Variants in LRRFIP1 observed in about 807,000 individuals in gnomAD.
LRRFIP1 encodes leucine-rich repeat flightless-interacting protein 1.
In LRRFIP1, 62 loss-of-function variants were observed where a neutral mutation model predicts 104.4. The ratio of observed to expected loss-of-function variants is 0.59; its 90% CI spans 0.48 to 0.73. The LOEUF (loss-of-function observed/expected upper bound fraction) is 0.73. LRRFIP1 is among the 30% of genes least tolerant of loss of function. The probability of loss-of-function intolerance (pLI) is 0.00; values close to 1 mark genes in which losing one functional copy is unlikely to be tolerated. For missense variants in LRRFIP1, 796 were observed against 824.5 expected (o/e 0.97, Z 0.42); for synonymous variants, 300 against 299.0 (o/e 1.00, Z -0.03).
At chr2:237,771,414 C>G (rs1336552258) in intron 20 of LRRFIP1, among the ~76,000 whole-genome samples, 1 of 151,642 alleles carries the variant, frequency 6.6e-6, no homozygotes, top group Admixed American at 6.6e-5. Context: ...GAGTTGTAGG[C>G]GTTGGGTATT....
At position 237,711,501 on chromosome 2, in the gene LRRFIP1, C is replaced by T. The variant is rs2094086008; in HGVS notation, c.184-2758C>T. ...CCTTGCAGGCAGCACCTTTGGCCAA[C>T]GTCACCTTTTGCACGGTCCTCTGTG... is the stretch of plus-strand genomic sequence containing the variant. On this transcript the variant is annotated intron_variant, in intron 2 of 23. Transcript: ENST00000308482. The surrounding 1 kb of genome is among the most constrained non-coding windows in gnomAD (Gnocchi z 4.4). Among the ~76,000 whole-genome samples, 1 of 152,202 alleles carries T rather than the reference C, an allele frequency of 6.6e-6. No individual in the cohort carries two copies. The highest frequency in any genetic ancestry group is 2.4e-5 in the African/African-American group (1 of 41,452).
intron 1 of LRRFIP1, among the ~76,000 whole-genome samples, chr2:237,657,342 T>C (rs2086983444): frequency 6.6e-6 from 1 of 152,214 alleles, no homozygotes; most frequent in Admixed American, 6.5e-5. Flanking sequence ...ATGAATATTT[T>C]CACATATGAA....
chr2:237,737,456 G>A (rs1258217411), intron 10 of LRRFIP1, among the ~76,000 whole-genome samples: 1 of 152,200 alleles, frequency 6.6e-6, no homozygotes, highest in African/African-American at 2.4e-5. Context: ...CGTGGACCGT[G>A]GCGATATAGA....
intron 20 of LRRFIP1, among the ~76,000 whole-genome samples, chr2:237,771,302 C>CAAAAAAAAAAAAAAAAAAAAAA (rs61685773): frequency 9.1e-6 from 1 of 109,804 alleles, no homozygotes. Context: ...TGAAATATTC[C>CAAAAAAAAAAAAAAAAAAAAAA]AAAAAAAAAA....
At position 237,691,082 on chromosome 2, in the gene LRRFIP1, T is replaced by C. The variant is rs1307448361; in HGVS notation, c.97-17462T>C. 6.6e-6 allele frequency among the ~76,000 whole-genome samples: 1 copy of C among 151,368 alleles called. No individual in the cohort carries two copies. The highest frequency in any genetic ancestry group is 1.5e-5 in the Non-Finnish European group (1 of 68,010). ...CGGGTCACGGCGGGAAGGTGAGTGC[T>C]CACAGGCGCGAGCTCACGTTACCAA... is the stretch of plus-strand genomic sequence containing the variant. On this transcript the variant is annotated intron_variant, in intron 1 of 23. Transcript: ENST00000308482. The surrounding 1 kb of genome is among the most constrained non-coding windows in gnomAD (Gnocchi z 5.4).
At chr2:237,705,059 G>C (rs2093736212) in intron 1 of LRRFIP1, among the ~76,000 whole-genome samples, 1 of 152,164 alleles carries the variant, frequency 6.6e-6, no homozygotes, top group African/African-American at 2.4e-5. Context: ...GCATTGTTTT[G>C]GAGGCCTGCA....
intron 7 of LRRFIP1, 49 bp from the exon 8 acceptor site, chr2:237,727,827 A>T: frequency 7.1e-7 from 1 of 1,404,594 alleles, no homozygotes; most frequent in East Asian, 2.3e-5. Context: ...GTACCTGTGA[A>T]TTCATTTGTG....
intron 1 of LRRFIP1, among the ~76,000 whole-genome samples, chr2:237,695,423 A>G (rs1430193673): frequency 1.3e-5 from 2 of 152,188 alleles, no homozygotes; most frequent in African/African-American, 4.8e-5. Context: ...TTCTTATCCA[A>G]TCCCTACAGA....
rs376686902 is a variant in LRRFIP1 at position 237,668,662 on chromosome 2, C to T, written c.97-39882C>T. Among the ~76,000 whole-genome samples the T allele has an allele frequency of 5.5e-4, 84 of 152,154 alleles. 1 individual carries two copies. Among genetic ancestry groups the T allele is most frequent in the Admixed American group, 2.8e-3 (43 of 15,284 alleles). ...TCCAGGAAGCCCTCCCTGACTTCCT[C>T]GGCTGGGGTAGGAACATTCACACTA... is the stretch of plus-strand genomic sequence containing the variant. On this transcript the variant is annotated intron_variant, in intron 1 of 23. Coordinates refer to ENST00000308482, the MANE Select transcript of LRRFIP1 (RefSeq NM_001137550.2).
At chr2:237,672,890 C>A (rs1390231217) in intron 1 of LRRFIP1, among the ~76,000 whole-genome samples, 1 of 152,208 alleles carries the variant, frequency 6.6e-6, no homozygotes, top group African/African-American at 2.4e-5. Flanking sequence ...ATTGCTATAG[C>A]TAAGCCACAA....
rs1204731374 is a variant in LRRFIP1, at chr2:237,768,300, T to C, written c.1460-1643T>C. 5.3e-5 allele frequency: 8 copies of C among 152,372 alleles called. No homozygotes were observed. The South Asian group carries it at 1.0e-3, about 20-fold the overall frequency. 9.4% of individuals were successfully genotyped at this position (152,372 alleles called of 1,614,324 possible). On this transcript the variant is annotated intron_variant, in intron 19 of 23. Coordinates refer to ENST00000308482, the MANE Select transcript of LRRFIP1 (RefSeq NM_001137550.2). ...ATAATGTTCTCACTATACAACTAAA[T>C]GTCAGATTACCTATATCAATTTTGC...
chr2:237,754,150 A>G (rs564059259), intron 15 of LRRFIP1, among the ~76,000 whole-genome samples: 1 of 152,336 alleles, frequency 6.6e-6, no homozygotes, highest in Admixed American at 6.5e-5. Flanking sequence ...AGATTTTCCT[A>G]TTCATATGTA....
At chr2:237,708,692 CA>C in intron 2 of LRRFIP1, 62 bp downstream of exon 2, 1 of 1,510,934 alleles carries the variant, frequency 6.6e-7, no homozygotes, top group Non-Finnish European at 9.0e-7. Flanking sequence ...GCCCAGGGTG[CA>C]AGTGCAGGCA....
chr2:237,659,042 A>T (rs537243905), intron 1 of LRRFIP1, among the ~76,000 whole-genome samples: 1 of 152,292 alleles, frequency 6.6e-6, no homozygotes, highest in African/African-American at 2.4e-5. Context: ...TTTTCTATAC[A>T]GTAAAAGGGG....
chr2:237,691,831 G>C lies in LRRFIP1; in HGVS notation c.97-16713G>C, dbSNP rs984122298. Among the ~76,000 whole-genome samples, 3 of 152,180 alleles carry C rather than the reference G, an allele frequency of 2.0e-5. No homozygotes were observed. Among genetic ancestry groups the C allele is most frequent in the African/African-American group, 7.2e-5 (3 of 41,448 alleles). Reference sequence around the variant, plus strand: ...TTTCCTCCAGGTCCTCTTTCCGGCGGGGGCCGGAGGGGTGGTGATGGACAG... The same window carrying C: ...TTTCCTCCAGGTCCTCTTTCCGGCGCGGGCCGGAGGGGTGGTGATGGACAG... On this transcript the variant is annotated intron_variant, in intron 1 of 23. Coordinates refer to ENST00000308482, the MANE Select transcript of LRRFIP1 (RefSeq NM_001137550.2). This position sits in a 1 kb window ranked among gnomAD's most constrained non-coding sequence, Gnocchi z 5.4.
At chr2:237,749,117 A>T in intron 12 of LRRFIP1, 82 bp from the exon 13 acceptor site, 1 of 1,449,142 alleles carries the variant, frequency 6.9e-7, no homozygotes, top group South Asian at 1.2e-5. Flanking sequence ...TGTGGGGATT[A>T]TGGGGATTAC....
chr2:237,775,660 T>C (rs1319551096), intron 23 of LRRFIP1, among the ~76,000 whole-genome samples: 3 of 152,134 alleles, frequency 2.0e-5, no homozygotes, highest in Non-Finnish European at 4.4e-5. Flanking sequence ...AGTGAAAACC[T>C]GTCTTTACAT....
chr2:237,761,278 C>T (rs753456570), intron 19 of LRRFIP1, among the ~76,000 whole-genome samples: 21 of 152,300 alleles, frequency 1.4e-4, no homozygotes, highest in Admixed American at 2.6e-4. Context: ...CTAATCCCAG[C>T]GCTGCGGGTG....
rs1392698102 is a variant in LRRFIP1, at chr2:237,774,023, G to A, written c.1708-335G>A. On this transcript the variant is annotated intron_variant, in intron 22 of 23. Transcript: ENST00000308482. Reference sequence around the variant, plus strand: ...TGGAGCTGAGGTCGTGGCGGAACACGTCCCTTACCAGCACCATTCTGCCTG... The same window carrying A: ...TGGAGCTGAGGTCGTGGCGGAACACATCCCTTACCAGCACCATTCTGCCTG... 5 of 223,876 alleles carry A rather than the reference G, an allele frequency of 2.2e-5. No individual in the cohort carries two copies. The South Asian group carries it at 2.3e-4, about 10-fold the overall frequency. The allele number at this position is 223,876 out of a possible 1,614,324, so 13.9% of individuals were successfully genotyped here.
Sources: gnomAD v4.1 joint callset for allele counts (sites outside exome capture counted in the v4.1 genomes callset) on GRCh38, gnomAD v4.1.1 for gene constraint, Gnocchi (gnomAD v3.1) non-coding constraint, MANE v1.5 for transcripts, NCBI Gene and HGNC (gene_info 2026-07-23, HGNC 2026-07-21) for gene names.